The following MYOZ2 variants were observed in gnomAD, a reference collection of about 807,000 sequenced individuals.
MYOZ2 encodes myozenin 2, also known as myozenin-2.
In MYOZ2, 19 loss-of-function variants were observed where a neutral mutation model predicts 25.4. That is an observed-to-expected ratio of 0.75 (90% CI 0.52 to 1.10). The LOEUF is 1.10. MYOZ2 is among the 50% of genes least tolerant of loss of function. The probability of loss-of-function intolerance (pLI) is 0.00; values close to 1 mark genes in which losing one functional copy is unlikely to be tolerated. For missense variants in MYOZ2, 270 were observed against 317.9 expected (o/e 0.85, Z 1.15); for synonymous variants, 92 against 106.9 (o/e 0.86, Z 0.86).
At chr4:119,170,311 C>T (rs1741922350) in intron 5 of MYOZ2, among the ~76,000 whole-genome samples, 1 of 148,846 alleles carries the variant, frequency 6.7e-6, no homozygotes, top group African/African-American at 2.5e-5. Context: ...TGGCTTATTT[C>T]ACTTAGTATA....
chr4:119,176,177 G>T (rs1434117078), intron 5 of MYOZ2, among the ~76,000 whole-genome samples: 3 of 152,144 alleles, frequency 2.0e-5, no homozygotes, highest in African/African-American at 4.8e-5. Flanking sequence ...GACATGCTAA[G>T]AAATCAGTAA....
intron 2 of MYOZ2, among the ~76,000 whole-genome samples, chr4:119,142,364 A>G (rs989965667): frequency 6.6e-6 from 1 of 152,238 alleles, no homozygotes; most frequent in Non-Finnish European, 1.5e-5. Flanking sequence ...AGAATCAAAA[A>G]GTTGAAATAT....
intron 4 of MYOZ2, among the ~76,000 whole-genome samples, chr4:119,164,008 G>C (rs568549481): frequency 2.6e-5 from 4 of 152,170 alleles, no homozygotes; most frequent in Non-Finnish European, 4.4e-5. Context: ...TAAGAAAAAT[G>C]GTTTCTTTTT....
chr4:119,161,416 C>G lies in MYOZ2; in HGVS notation c.377-2795C>G, dbSNP rs182125659. Reference sequence around the variant, plus strand: ...TTATAGTGATTAGCCAACTATGTATCAAAAAGCCAACTTTTTTCATACATG... The same window carrying G: ...TTATAGTGATTAGCCAACTATGTATGAAAAAGCCAACTTTTTTCATACATG... On this transcript the variant is annotated intron_variant, in intron 4 of 5. Transcript: ENST00000307128. Among the ~76,000 whole-genome samples, 746 of 151,940 alleles carry G rather than the reference C, an allele frequency of 4.9e-3. 21 individuals are homozygous for G. Among genetic ancestry groups the G allele is most frequent in the Admixed American group, 0.044 (675 of 15,254 alleles).
At position 119,164,318 on chromosome 4, in the gene MYOZ2, C is replaced by A; in HGVS notation, c.484C>A (p.Leu162Ile). The A allele has an allele frequency of 6.2e-7, 1 of 1,614,080 alleles. No individual in the cohort carries two copies. ...WEQAISNDPE[L>I]LEALYPKLFK... ...ACAAGCCATTAGCAATGATCCGGAG[C>A]TTTTAGAGGCTTTATATCCTAAACT... The change falls in exon 5 of 6, where the codon CTT (leucine) becomes ATT (isoleucine). Residue 162 changes from leucine (L) to isoleucine (I), a missense_variant. Physicochemically the swap from Leu to Ile is conservative, Grantham distance 5. Transcript: ENST00000307128.
chr4:119,165,589 A>G (rs1284243376), intron 5 of MYOZ2, among the ~76,000 whole-genome samples: 1 of 152,192 alleles, frequency 6.6e-6, no homozygotes, highest in African/African-American at 2.4e-5. Context: ...TACCATTATT[A>G]GTAATGCATC....
chr4:119,156,027 A>C (rs1402300321), intron 3 of MYOZ2, among the ~76,000 whole-genome samples: 1 of 152,134 alleles, frequency 6.6e-6, no homozygotes, highest in African/African-American at 2.4e-5. Context: ...GGCAAAATGA[A>C]ATTCCCTGTT....
At chr4:119,184,096 C>G (rs576989798) in intron 5 of MYOZ2, among the ~76,000 whole-genome samples, 33 of 152,144 alleles carry the variant, frequency 2.2e-4, no homozygotes, top group Non-Finnish European at 3.2e-4. Flanking sequence ...ATTACAGGTG[C>G]GAACCACTGG....
chr4:119,150,785 G>A (rs1741429474), intron 2 of MYOZ2, 87 bp from the exon 3 acceptor site: 1 of 1,314,884 alleles, frequency 7.6e-7, no homozygotes, highest in African/African-American at 1.5e-5. Context: ...CAATTAGAAA[G>A]TGGTGGAATT....
At chr4:119,143,207 T>C (rs978067187) in intron 2 of MYOZ2, among the ~76,000 whole-genome samples, 2 of 152,052 alleles carry the variant, frequency 1.3e-5, no homozygotes, top group African/African-American at 4.8e-5. Context: ...TTTTTCTTTT[T>C]TTTTTTGAGA....
intron 3 of MYOZ2, among the ~76,000 whole-genome samples, chr4:119,154,870 C>CAT (rs113489330): frequency 1.5e-4 from 19 of 128,392 alleles, no homozygotes; most frequent in African/African-American, 6.2e-4. Context: ...CACACACACA[C>CAT]GCACACACAC....
At chr4:119,173,176 G>A (rs1741981752) in intron 5 of MYOZ2, among the ~76,000 whole-genome samples, 1 of 152,108 alleles carries the variant, frequency 6.6e-6, no homozygotes, top group Non-Finnish European at 1.5e-5. Flanking sequence ...ATCCATCACT[G>A]ACCCATCAAA....
intron 2 of MYOZ2, among the ~76,000 whole-genome samples, chr4:119,138,320 T>C (rs746621568): frequency 3.9e-5 from 6 of 152,172 alleles, no homozygotes; most frequent in Admixed American, 2.0e-4. Flanking sequence ...AATCAGACTC[T>C]TTCCAAGCTC....
In MYOZ2 at chr4:119,174,845, G is replaced by A. The variant is rs187690620; in HGVS notation, c.560+10451G>A. Reference sequence around the variant, plus strand: ...TGGGTCCACGCTGCTTTTATGAGCTGTAACAGTCACCGCAAAGATCTGCAG... The same window carrying A: ...TGGGTCCACGCTGCTTTTATGAGCTATAACAGTCACCGCAAAGATCTGCAG... On this transcript the variant is annotated intron_variant, in intron 5 of 5. Transcript: ENST00000307128. Among the ~76,000 whole-genome samples the A allele has an allele frequency of 9.8e-3, 1,498 of 152,226 alleles. 17 individuals carry two copies. Among genetic ancestry groups the A allele is most frequent in the South Asian group, 0.027 (130 of 4,802 alleles).
intron 2 of MYOZ2, among the ~76,000 whole-genome samples, chr4:119,143,883 T>C (rs1204690787): frequency 6.6e-6 from 1 of 152,180 alleles, no homozygotes; most frequent in Non-Finnish European, 1.5e-5. Context: ...GCTTGATAGC[T>C]CTTAATTAAA....
At chr4:119,163,761 T>C (rs1741758958) in intron 4 of MYOZ2, among the ~76,000 whole-genome samples, 1 of 150,776 alleles carries the variant, frequency 6.6e-6, no homozygotes, top group Non-Finnish European at 1.5e-5. Context: ...ACATCACCTC[T>C]AAAGAATCAG....
In MYOZ2 at chr4:119,186,210, T is replaced by C; in HGVS notation, c.*10T>C. On this transcript the variant is annotated 3_prime_UTR_variant, in exon 6 of 6. Coordinates refer to ENST00000307128, the MANE Select transcript of MYOZ2 (RefSeq NM_016599.5). ...ATCAGAAGACCTATGAAAAGAAAGT[T>C]GTATGTGCCACATAAAACTCTGAAT... 1 of 1,595,646 alleles carries C rather than the reference T, an allele frequency of 6.3e-7. No individual in the cohort carries two copies.
intron 5 of MYOZ2, among the ~76,000 whole-genome samples, chr4:119,165,095 C>G (rs916655262): frequency 1.5e-5 from 2 of 134,466 alleles, no homozygotes; most frequent in African/African-American, 2.8e-5. Flanking sequence ...GTCTCACACT[C>G]AAAAAAAGTT....
In MYOZ2 at chr4:119,168,683, A is replaced by AAACAACAACAAC. The variant is rs150292392; in HGVS notation, c.560+4307_560+4318dup. Among the ~76,000 whole-genome samples, 1,326 of 150,926 alleles carry AAACAACAACAAC rather than the reference A, an allele frequency of 8.8e-3. 22 individuals carry two copies. Among genetic ancestry groups the AAACAACAACAAC allele is most frequent in the African/African-American group, 0.031 (1,242 of 40,650 alleles). Reference sequence around the variant, plus strand: ...CTGCAATCTAAAAAAAACAACAACAAAACAACAACAACAACAACAACAACA... The same window carrying AAACAACAACAAC: ...CTGCAATCTAAAAAAAACAACAACAAAACAACAACAACAACAACAACAACAACAACAACAACA... On this transcript the variant is annotated intron_variant, in intron 5 of 5. Transcript: ENST00000307128.
Sources: gnomAD v4.1 joint callset for allele counts (sites outside exome capture counted in the v4.1 genomes callset) on GRCh38, gnomAD v4.1.1 for gene constraint, MANE v1.5 for transcripts, NCBI Gene and HGNC (gene_info 2026-07-23, HGNC 2026-07-21) for gene names.